Variants in PLXND1 observed in about 807,000 individuals in gnomAD.
PLXND1 encodes plexin D1.
Under a neutral mutation model 197.7 loss-of-function variants are expected in PLXND1, and 54 were observed. The observed-to-expected ratio is 0.27, with a 90% confidence interval of 0.22 to 0.34. The LOEUF is 0.34. Among genes scored for constraint, PLXND1 ranks in the 10% least tolerant of loss-of-function variants. PLXND1 has a pLI of 1.00. For missense variants in PLXND1, 2,127 were observed against 2,699.2 expected, an observed-to-expected ratio of 0.79 and a Z score of 4.70; for synonymous variants, 1,180 against 1,161.2, an observed-to-expected ratio of 1.02 and a Z score of -0.33.
In PLXND1 at chr3:129,597,585, C is replaced by G. The variant is rs558265676; in HGVS notation, c.1311+7744G>C. On this transcript the variant is annotated intron_variant, in intron 1 of 35. Coordinates refer to ENST00000324093, the MANE Select transcript of PLXND1 (RefSeq NM_015103.3). ...TAATGGAGCTGCGAGCTTCCCTCCC[C>G]CTCCAGCGCATGATTTATCAAGTTT... Among the ~76,000 whole-genome samples, 42 of 152,374 alleles carry G rather than the reference C, an allele frequency of 2.8e-4. No individual in the cohort carries two copies. In the South Asian group the frequency reaches 5.8e-3, roughly 21 times the overall value.
chr3:129,585,859 T>C, intron 5 of PLXND1, 93 bp downstream of exon 5: 3 of 1,526,812 alleles, frequency 2.0e-6, no homozygotes, highest in Non-Finnish European at 2.7e-6. Context: ...TGGGGCACCA[T>C]GGGTGGGAGT....
chr3:129,558,701 T>C lies in PLXND1; in HGVS notation c.5298-126A>G, dbSNP rs1177631120. ...GAGGTTGGAGCCTTGTCACAAGATG[T>C]GACCTTTGGGAACCTTAGTTTGCCT... is the stretch of plus-strand genomic sequence containing the variant. On this transcript the variant is annotated intron_variant, in intron 32 of 35. Transcript: ENST00000324093. The surrounding 1 kb of genome is among the most constrained non-coding windows in gnomAD (Gnocchi z 4.1). The C allele has an allele frequency of 1.6e-5, 15 of 946,206 alleles. No individual in the cohort carries two copies. The highest frequency in any genetic ancestry group is 2.2e-5 in the Non-Finnish European group (14 of 631,414). 58.6% of individuals were successfully genotyped at this position (946,206 alleles called of 1,614,324 possible).
intron 5 of PLXND1, 142 bp from the exon 6 acceptor site, chr3:129,584,704 G>C (rs571608955): frequency 2.8e-6 from 2 of 714,158 alleles, no homozygotes; most frequent in Non-Finnish European, 4.6e-6. Context: ...CTCAGGGCCA[G>C]AGGGCTATGC....
chr3:129,580,831 C>T (rs1229010799), intron 8 of PLXND1, among the ~76,000 whole-genome samples: 1 of 151,852 alleles, frequency 6.6e-6, no homozygotes, highest in Non-Finnish European at 1.5e-5. Context: ...GTCTCTGTAC[C>T]CCCAGGGACC....
chr3:129,570,806 C>T lies in PLXND1; in HGVS notation c.3730G>A (p.Val1244Met), dbSNP rs758594847. The change falls in exon 19 of 36, where the codon GTG (valine) becomes ATG (methionine). Residue 1244 changes from valine to methionine, a missense_variant. Transcript: ENST00000324093. Reference sequence around the variant, plus strand: ...CTCACTGTGATGGGCAGCTGCCCCACGGCCGCGCCCAGGGACTCGTTGACC... The same window carrying T: ...CTCACTGTGATGGGCAGCTGCCCCATGGCCGCGCCCAGGGACTCGTTGACC... ...CSVNESLGAA[V>M]GQLPITIQVG... is the part of the protein sequence containing the mutation. 18 of 1,614,124 alleles carry T rather than the reference C, an allele frequency of 1.1e-5. No homozygotes were observed. Among genetic ancestry groups the T allele is most frequent in the East Asian group, 2.2e-5 (1 of 44,888 alleles).
chr3:129,589,431 C>T lies in PLXND1; in HGVS notation c.1408G>A (p.Gly470Ser). ...CTGGCCACGGCCACGGAGGTGAGGC[C>T]CGGGGCGCGGAACACGGGCGTGGCC... Reference protein sequence around the residue: ...LKATPVFRAPGLTSVAVASVN... With the variant: ...LKATPVFRAPSLTSVAVASVN... Residue 470 changes from glycine (G) to serine (S), a missense_variant, in exon 2 of 36, where the codon GGC becomes AGC. Gly to Ser is a moderately conservative substitution (Grantham distance 56). Coordinates refer to ENST00000324093, the MANE Select transcript of PLXND1 (RefSeq NM_015103.3). 4 of 1,611,856 alleles carry T rather than the reference C, an allele frequency of 2.5e-6. No individual in the cohort carries two copies. The highest frequency in any genetic ancestry group is 3.4e-6 in the Non-Finnish European group (4 of 1,179,558).
chr3:129,589,314 A>ACAC, intron 2 of PLXND1, 37 bp downstream of exon 2: 1 of 346,842 alleles, frequency 2.9e-6, no homozygotes, highest in Non-Finnish European at 5.7e-6. Flanking sequence ...GGAGCCTCCC[A>ACAC]CCCCCACCCC....
At chr3:129,560,107 T>A (rs1414132816) in intron 31 of PLXND1, among the ~76,000 whole-genome samples, 1 of 152,188 alleles carries the variant, frequency 6.6e-6, no homozygotes, top group East Asian at 1.9e-4. Context: ...TGGGCTAACA[T>A]AGAAGTCTCT....
In PLXND1 at chr3:129,557,276, T is replaced by C; in HGVS notation, c.5446-53A>G. ...ATGGCTGCTGGAGAAAGGACGGATC[T>C]GGTCGTTTTCTGGATGAGCCCTCAT... On this transcript the variant is annotated intron_variant, in intron 33 of 35. Transcript: ENST00000324093. This position sits in a 1 kb window ranked among gnomAD's most constrained non-coding sequence, Gnocchi z 4.8. 6.2e-7 allele frequency: 1 copy of C among 1,606,806 alleles called. No individual in the cohort carries two copies. Among genetic ancestry groups the C allele is most frequent in the Non-Finnish European group, 8.5e-7 (1 of 1,174,980 alleles).
At chr3:129,589,310 T>TGGCCCCCCCCCCCCCC in intron 2 of PLXND1, 41 bp downstream of exon 2, 11 of 501,270 alleles carry the variant, frequency 2.2e-5, no homozygotes, top group East Asian at 1.0e-4. Flanking sequence ...CAGGGGAGCC[T>TGGCCCCCCCCCCCCCC]CCCACCCCCA....
intron 35 of PLXND1, 54 bp from the exon 36 acceptor site, chr3:129,556,482 C>T (rs773880928): frequency 9.5e-6 from 14 of 1,466,848 alleles, no homozygotes; most frequent in African/African-American, 6.9e-5. Context: ...TGCCTCAGTT[C>T]GTGGGAGAGA....
chr3:129,605,254 G>A (rs997964401), intron 1 of PLXND1, 75 bp downstream of exon 1: 15 of 564,656 alleles, frequency 2.7e-5, no homozygotes, highest in East Asian at 8.5e-5. Flanking sequence ...CTCACGACCC[G>A]CTCGGTTCCC....
At chr3:129,559,025 C>T (rs1341721829) in intron 32 of PLXND1, 1 of 162,492 alleles carries the variant, frequency 6.2e-6, no homozygotes, top group African/African-American at 2.4e-5. Context: ...CCACCCCCAC[C>T]TCAGGCCACC....
At position 129,555,398 on chromosome 3, in the gene PLXND1, A is replaced by G; in HGVS notation, c.*914T>C. ...GGAGTGGGTGGTAGTCTCAGGCGCCAGGGGCGCTCTGCCAGGTCTGCCCGC... is the reference window on the plus strand; with the variant it reads ...GGAGTGGGTGGTAGTCTCAGGCGCCGGGGGCGCTCTGCCAGGTCTGCCCGC... On this transcript the variant is annotated 3_prime_UTR_variant, in exon 36 of 36. Coordinates refer to ENST00000324093, the MANE Select transcript of PLXND1 (RefSeq NM_015103.3). The G allele has an allele frequency of 1.6e-6, 1 of 633,460 alleles. No individual in the cohort carries two copies. The highest frequency in any genetic ancestry group is 2.8e-6 in the Non-Finnish European group (1 of 360,284). The allele number at this position is 633,460 out of a possible 1,614,324, so 39.2% of individuals were successfully genotyped here. A position where few individuals can be genotyped will look rare whatever the true frequency, so the allele number is the denominator to read the frequency against.
Position 129,555,909 on chromosome 3 carries a change from T to C in PLXND1, c.*403A>G. 1 of 292,920 alleles carries C rather than the reference T, an allele frequency of 3.4e-6. No individual in the cohort carries two copies. Among genetic ancestry groups the C allele is most frequent in the South Asian group, 5.1e-5 (1 of 19,494 alleles). The allele number at this position is 292,920 out of a possible 1,614,324, so 18.1% of individuals were successfully genotyped here. On this transcript the variant is annotated 3_prime_UTR_variant, in exon 36 of 36. Transcript: ENST00000324093. ...GCTCCCTGCACCAGTGTGGATGAGG[T>C]AGAGTTTCTGGGCTGCAGCCTCCGG...
chr3:129,606,028 GC>G lies in PLXND1; in HGVS notation c.611del (p.Gly204AlafsTer77). 1 of 1,598,934 alleles carries G rather than the reference GC, an allele frequency of 6.3e-7. No individual in the cohort carries two copies. ...ACGTGGCGCCCACGAGCAGGCGGCT[GC>G]CCCCCGCGCCCGCGGCGGGAGGCAG... ...LVLPPAAGAG[G>X]SRLLVGATYT... On this transcript the variant is annotated frameshift_variant, in exon 1 of 36. Coordinates refer to ENST00000324093, the MANE Select transcript of PLXND1 (RefSeq NM_015103.3). LOFTEE classifies it high-confidence loss of function.
At chr3:129,566,138 C>T (rs539114586) in intron 23 of PLXND1, 121 bp from the exon 24 acceptor site, 48 of 950,324 alleles carry the variant, frequency 5.1e-5, no homozygotes, top group Admixed American at 2.7e-4. Flanking sequence ...TTACCTTCCA[C>T]GGTGGATGCC....
intron 1 of PLXND1, among the ~76,000 whole-genome samples, chr3:129,602,234 C>T (rs2085719085): frequency 2.0e-5 from 3 of 152,208 alleles, no homozygotes; most frequent in Non-Finnish European, 2.9e-5. Context: ...CCCTTCATGG[C>T]TCCCAGGACC....
rs915750773 is a variant in PLXND1, at chr3:129,575,176, T to C, written c.2530+293A>G. On this transcript the variant is annotated intron_variant, in intron 11 of 35. Coordinates refer to ENST00000324093, the MANE Select transcript of PLXND1 (RefSeq NM_015103.3). ...CACACCCCAGATGCCACGCTCAAGGTTGGGCGAGCCCTGGCTCATCAGGTC... is the reference window on the plus strand; with the variant it reads ...CACACCCCAGATGCCACGCTCAAGGCTGGGCGAGCCCTGGCTCATCAGGTC... Among the ~76,000 whole-genome samples, 3 of 152,284 alleles carry C rather than the reference T, an allele frequency of 2.0e-5. No homozygotes were observed. The South Asian group carries it at 6.2e-4, about 32-fold the overall frequency.
Sources: gnomAD v4.1 joint callset for allele counts (sites outside exome capture counted in the v4.1 genomes callset) on GRCh38, gnomAD v4.1.1 for gene constraint, Gnocchi (gnomAD v3.1) non-coding constraint, MANE v1.5 for transcripts, NCBI Gene and HGNC (gene_info 2026-07-23, HGNC 2026-07-21) for gene names.